ADAMTS17: variants seen among roughly 807,000 people sequenced by gnomAD.
ADAMTS17 encodes the protein ADAM metallopeptidase with thrombospondin type 1 motif 17.
Under a neutral mutation model 141.5 loss-of-function variants are expected in ADAMTS17, and 113 were observed. The observed-to-expected ratio is 0.80, with a 90% CI of 0.69 to 0.93. The LOEUF is 0.93. Among genes scored for constraint, ADAMTS17 ranks in the 40% least tolerant of loss-of-function variants. The pLI, the probability that ADAMTS17 is intolerant of heterozygous loss-of-function variation, is 0.00. For synonymous variants in ADAMTS17, 768 were observed against 630.6 expected (o/e 1.22, Z -3.27); for missense variants, 1,659 against 1,517.9 (o/e 1.09, Z -1.54).
chr15:100,130,089 G>C (rs542641920), intron 12 of ADAMTS17, among the ~76,000 whole-genome samples: 3 of 152,162 alleles, frequency 2.0e-5, no homozygotes, highest in Non-Finnish European at 4.4e-5. Flanking sequence ...CCTGGATTGG[G>C]CATGGTGGCT....
chr15:100,101,300 G>A (rs2036084419), intron 14 of ADAMTS17, among the ~76,000 whole-genome samples: 2 of 152,112 alleles, frequency 1.3e-5, no homozygotes, highest in African/African-American at 2.4e-5. Flanking sequence ...CCAATCTCTG[G>A]AATGATCACG....
intron 18 of ADAMTS17, among the ~76,000 whole-genome samples, chr15:100,024,558 T>C (rs1224064844): frequency 2.0e-5 from 3 of 152,194 alleles, no homozygotes; most frequent in African/African-American, 7.2e-5. Context: ...GGAGGAGTGC[T>C]TGGATCTCTC....
Position 100,209,872 on chromosome 15 carries a change from C to T in ADAMTS17, c.1076-10449G>A, listed in dbSNP as rs528183787. Among the ~76,000 whole-genome samples, 215 of 152,282 alleles carry T rather than the reference C, an allele frequency of 1.4e-3. 6 individuals carry two copies. The South Asian group carries it at 0.043, about 31-fold the overall frequency. On this transcript the variant is annotated intron_variant, in intron 7 of 21. Coordinates refer to ENST00000268070, the MANE Select transcript of ADAMTS17 (RefSeq NM_139057.4). ...GGGTTACAATGGGTTTCAGAATCATCCCAGACTATGGAAATAGCATGCATG... is the reference window on the plus strand; with the variant it reads ...GGGTTACAATGGGTTTCAGAATCATTCCAGACTATGGAAATAGCATGCATG...
intron 7 of ADAMTS17, among the ~76,000 whole-genome samples, chr15:100,228,147 A>G (rs1195763802): frequency 2.6e-5 from 4 of 152,048 alleles, no homozygotes; most frequent in Admixed American, 6.6e-5. Flanking sequence ...AGAAGGGGCC[A>G]TCTCCTCACC....
intron 12 of ADAMTS17, 108 bp downstream of exon 12, chr15:100,131,899 T>C: frequency 6.4e-7 from 1 of 1,553,220 alleles, no homozygotes; most frequent in African/African-American, 1.4e-5. Context: ...TTTCCATATC[T>C]TCTAATGCTC....
Position 100,225,775 on chromosome 15 carries a change from T to A in ADAMTS17, c.1076-26352A>T, listed in dbSNP as rs55888194. ...AGCAGTCATAGCCTCTGTCCCATTCTGTCCTTACAGCAGTCACGGCCTCTG... is the reference window on the plus strand; with the variant it reads ...AGCAGTCATAGCCTCTGTCCCATTCAGTCCTTACAGCAGTCACGGCCTCTG... On this transcript the variant is annotated intron_variant, in intron 7 of 21. Transcript: ENST00000268070. Among the ~76,000 whole-genome samples the A allele has an allele frequency of 3.0e-3, 388 of 131,186 alleles. 1 individual carries two copies. The highest frequency in any genetic ancestry group is 9.5e-3 in the East Asian group (38 of 3,980). 86.1% of individuals were successfully genotyped at this position (131,186 alleles called of 152,430 possible).
At chr15:100,260,105 A>G (rs577107900) in intron 6 of ADAMTS17, among the ~76,000 whole-genome samples, 1 of 151,972 alleles carries the variant, frequency 6.6e-6, no homozygotes, top group Non-Finnish European at 1.5e-5. Context: ...TCAGCCTCCC[A>G]AAGTGCTGGG....
intron 20 of ADAMTS17, among the ~76,000 whole-genome samples, chr15:99,986,249 T>C (rs756758595): frequency 3.3e-5 from 5 of 152,236 alleles, no homozygotes; most frequent in Non-Finnish European, 5.9e-5. Flanking sequence ...TCTCGCGTGA[T>C]ACAAGGTTCG....
chr15:99,974,875 C>T (rs2060289118), intron 21 of ADAMTS17, among the ~76,000 whole-genome samples: 1 of 152,178 alleles, frequency 6.6e-6, no homozygotes. Flanking sequence ...GCCAAGGGTA[C>T]CATTACTGTA....
At chr15:100,185,180 T>C (rs2040665752) in intron 8 of ADAMTS17, among the ~76,000 whole-genome samples, 1 of 150,316 alleles carries the variant, frequency 6.7e-6, no homozygotes, top group African/African-American at 2.5e-5. Context: ...TCTGGGACCA[T>C]GGCAAGTTGC....
intron 15 of ADAMTS17, among the ~76,000 whole-genome samples, chr15:100,070,224 G>T (rs2033867512): frequency 6.7e-6 from 1 of 148,400 alleles, no homozygotes; most frequent in Non-Finnish European, 1.5e-5. Flanking sequence ...CAATACAGGA[G>T]CACCCAGATT....
At chr15:100,179,941 GGTAGTTT>G (rs1896433874) in intron 8 of ADAMTS17, among the ~76,000 whole-genome samples, 1 of 152,138 alleles carries the variant, frequency 6.6e-6, no homozygotes, top group African/African-American at 2.4e-5. Flanking sequence ...TTGTCAGATG[GGTAGTTT>G]GTAAATATTT....
At chr15:100,260,178 A>G (rs2043466936) in intron 6 of ADAMTS17, among the ~76,000 whole-genome samples, 1 of 152,124 alleles carries the variant, frequency 6.6e-6, no homozygotes, top group Non-Finnish European at 1.5e-5. Context: ...CGAAAGCTGC[A>G]CTGTCCGGTG....
intron 3 of ADAMTS17, among the ~76,000 whole-genome samples, chr15:100,317,748 G>A (rs1044110383): frequency 4.6e-5 from 7 of 152,150 alleles, no homozygotes; most frequent in Admixed American, 2.0e-4. Flanking sequence ...CATGCATGTG[G>A]TTTTCTTCTC....
At chr15:100,133,543 G>A (rs533582870) in intron 10 of ADAMTS17, among the ~76,000 whole-genome samples, 10 of 152,122 alleles carry the variant, frequency 6.6e-5, no homozygotes, top group African/African-American at 2.4e-5. Context: ...CTTGTCTCAC[G>A]GAGTTGAGTT....
Position 100,053,961 on chromosome 15 carries a change from A to C in ADAMTS17, c.2231T>G (p.Val744Gly), listed in dbSNP as rs966992708. Residue 744 changes from valine to glycine, a missense_variant, in exon 16 of 22, where the codon GTG becomes GGG. Val to Gly is a moderately radical substitution (Grantham distance 109). Coordinates refer to ENST00000268070, the MANE Select transcript of ADAMTS17 (RefSeq NM_139057.4). ...FQIAGTTVRY[V>G]RRGLWEKISA... is the part of the protein sequence containing the mutation. ...GATCTTCTCCCACAGCCCCCTTCTC[A>C]CATAGCGAACAGTTGTGCCTGCAAT... 3 of 1,614,088 alleles carry C rather than the reference A, an allele frequency of 1.9e-6. No individual in the cohort carries two copies. In the African/African-American group the frequency reaches 4.0e-5, roughly 22 times the overall value.
At chr15:100,174,964 C>T (rs76263968) in intron 8 of ADAMTS17, among the ~76,000 whole-genome samples, 1,980 of 152,238 alleles carry the variant, frequency 0.013, 9 homozygotes, top group Admixed American at 0.021. Flanking sequence ...AAGGGTGGTA[C>T]CAGCAGGTTC....
intron 18 of ADAMTS17, among the ~76,000 whole-genome samples, chr15:100,033,445 T>C (rs561221238): frequency 3.0e-4 from 46 of 152,324 alleles, no homozygotes; most frequent in African/African-American, 1.1e-3. Context: ...GCTAACAGAC[T>C]TGCCTGCTCT....
chr15:100,084,202 G>A (rs1033029698), intron 15 of ADAMTS17, among the ~76,000 whole-genome samples: 5 of 152,292 alleles, frequency 3.3e-5, no homozygotes, highest in South Asian at 4.1e-4. Context: ...TATATCCCGC[G>A]CATGGCTGGG....
Sources: allele counts gnomAD v4.1 joint callset (sites outside exome capture counted in the v4.1 genomes callset), GRCh38; gene constraint gnomAD v4.1.1; transcripts MANE v1.5; gene names NCBI Gene and HGNC (gene_info 2026-07-23, HGNC 2026-07-21).